The following VPS26A variants were observed in gnomAD, a reference collection of about 807,000 sequenced individuals.
The protein encoded by VPS26A is VPS26 retromer complex component A.
VPS26A carries 22 observed loss-of-function variants against 42.4 expected under a neutral mutation model. The observed-to-expected ratio is 0.52, with a 90% CI of 0.37 to 0.74. The LOEUF (loss-of-function observed/expected upper bound fraction) is 0.74, where lower values mean the gene tolerates loss of function less well. Ranked by LOEUF, VPS26A falls within the 30% of genes least tolerant of loss-of-function variation. VPS26A has a pLI of 0.00. For missense variants in VPS26A, 276 were observed against 379.2 expected (o/e 0.73, Z 2.26); for synonymous variants, 110 against 123.5 (o/e 0.89, Z 0.73).
intron 2 of VPS26A, among the ~76,000 whole-genome samples, chr10:69,146,734 A>G (rs1285782621): frequency 6.6e-6 from 1 of 152,198 alleles, no homozygotes; most frequent in Non-Finnish European, 1.5e-5. Context: ...TATTGCATGT[A>G]TGAGAACATC....
chr10:69,132,234 T>C (rs1564673040), intron 1 of VPS26A, among the ~76,000 whole-genome samples: 1 of 152,196 alleles, frequency 6.6e-6, no homozygotes. Context: ...TTTTCAAGCC[T>C]AGCTGTTAAG....
chr10:69,133,498 C>G (rs1475743850), intron 2 of VPS26A: 1 of 1,188,094 alleles, frequency 8.4e-7, no homozygotes, highest in Admixed American at 2.7e-5. Context: ...CCTCTCTGTA[C>G]TGCTACTATT....
In VPS26A at chr10:69,171,199, A is replaced by G; in HGVS notation, c.914A>G (p.Gln305Arg). The G allele has an allele frequency of 1.2e-6, 2 of 1,613,734 alleles. No individual in the cohort carries two copies. Among genetic ancestry groups the G allele is most frequent in the East Asian group, 2.2e-5 (1 of 44,878 alleles). ...WRKAPEKLRK[Q>R]RTNFHQRFES... ...AAAGCTCCTGAAAAACTGAGGAAAC[A>G]GAGAACAAACTTTCACCAGCGATTT... The change falls in exon 9 of 9, where the codon CAG (glutamine) becomes CGG (arginine). Residue 305 changes from glutamine to arginine, a missense_variant. By Grantham distance (43) the Gln-to-Arg change is conservative. Transcript: ENST00000263559.
At chr10:69,155,408 G>A (rs1021011117) in intron 2 of VPS26A, among the ~76,000 whole-genome samples, 1 of 152,070 alleles carries the variant, frequency 6.6e-6, no homozygotes, top group African/African-American at 2.4e-5. Context: ...TAAATGTCCT[G>A]GAATTGCATC....
At chr10:69,160,892 A>G (rs1014124239) in intron 5 of VPS26A, among the ~76,000 whole-genome samples, 4 of 152,216 alleles carry the variant, frequency 2.6e-5, no homozygotes, top group Non-Finnish European at 4.4e-5. Context: ...GTTATTAGCT[A>G]TCACAACAGC....
intron 6 of VPS26A, among the ~76,000 whole-genome samples, chr10:69,163,932 AT>A (rs1008875827): frequency 6.7e-6 from 1 of 149,784 alleles, no homozygotes; most frequent in African/African-American, 2.5e-5. Context: ...CGCCCGGCTA[AT>A]TTTTTTTGTA....
intron 2 of VPS26A, among the ~76,000 whole-genome samples, chr10:69,146,576 C>T (rs1564678652): frequency 6.6e-6 from 1 of 152,092 alleles, no homozygotes. Flanking sequence ...GCGGTAACTC[C>T]CCATCTTCCA....
chr10:69,148,153 G>T (rs1418834531), intron 2 of VPS26A, among the ~76,000 whole-genome samples: 1 of 152,168 alleles, frequency 6.6e-6, no homozygotes, highest in Non-Finnish European at 1.5e-5. Flanking sequence ...AAGGTAAAGA[G>T]ATATTTAGTA....
At chr10:69,133,409 C>G in intron 2 of VPS26A, 1 of 475,650 alleles carries the variant, frequency 2.1e-6, no homozygotes, top group Non-Finnish European at 3.2e-6. Flanking sequence ...GTTTGTTTTT[C>G]CTTTAACATT....
At chr10:69,152,709 C>G (rs2894076) in intron 2 of VPS26A, among the ~76,000 whole-genome samples, 2 of 152,024 alleles carry the variant, frequency 1.3e-5, no homozygotes, top group East Asian at 3.9e-4. Flanking sequence ...GTGGCTCATG[C>G]CTGTAATCCC....
Position 69,171,551 on chromosome 10 carries a change from A to G in VPS26A, c.*282A>G, listed in dbSNP as rs1260890378. 8.1e-6 allele frequency: 2 copies of G among 246,544 alleles called. No individual in the cohort carries two copies. Among genetic ancestry groups the G allele is most frequent in the Admixed American group, 5.8e-5 (1 of 17,342 alleles). The allele number at this position is 246,544 out of a possible 1,614,324, so 15.3% of individuals were successfully genotyped here. ...TTTGATGATAAGCACTCAGATATATATCAGCGTAAACATGAAAAATTTTCA... is the reference window on the plus strand; with the variant it reads ...TTTGATGATAAGCACTCAGATATATGTCAGCGTAAACATGAAAAATTTTCA... On this transcript the variant is annotated 3_prime_UTR_variant, in exon 9 of 9. Coordinates refer to ENST00000263559, the MANE Select transcript of VPS26A (RefSeq NM_004896.5).
chr10:69,170,330 A>G (rs149587032), intron 8 of VPS26A: 1 of 152,364 alleles, frequency 6.6e-6, no homozygotes, highest in East Asian at 1.9e-4. Context: ...CATGATTTTT[A>G]CAATTTCAAA....
At chr10:69,145,076 C>T (rs1300229893) in intron 2 of VPS26A, among the ~76,000 whole-genome samples, 2 of 151,966 alleles carry the variant, frequency 1.3e-5, no homozygotes, top group African/African-American at 4.8e-5. Flanking sequence ...GCTCTTGTTG[C>T]CCAGGCTGGA....
chr10:69,156,928 T>G, intron 3 of VPS26A, 79 bp from the exon 4 acceptor site: 1 of 1,310,572 alleles, frequency 7.6e-7, no homozygotes, highest in Non-Finnish European at 1.0e-6. Flanking sequence ...TAAAAATCGT[T>G]TGTGTTTGAA....
At chr10:69,164,320 C>T (rs1841636767) in intron 6 of VPS26A, among the ~76,000 whole-genome samples, 1 of 151,698 alleles carries the variant, frequency 6.6e-6, no homozygotes, top group East Asian at 1.9e-4. Context: ...TGGACTTGAG[C>T]AATCCTCCAA....
chr10:69,157,120 G>A lies in VPS26A; in HGVS notation c.343G>A (p.Glu115Lys). ...RSYDFEFMQVEKPYESYIGAN... is the reference protein window; with the variant it reads ...RSYDFEFMQVKKPYESYIGAN... ...TTATGATTTTGAATTTATGCAAGTT[G>A]AAAAGCCATATGAATCTTACATCGG... Residue 115 changes from glutamate to lysine, a missense_variant, in exon 4 of 9, where the codon GAA becomes AAA. By Grantham distance (56) the Glu-to-Lys change is moderately conservative. Transcript: ENST00000263559. 6.2e-7 allele frequency: 1 copy of A among 1,613,622 alleles called. No homozygotes were observed. The highest frequency in any genetic ancestry group is 2.2e-5 in the East Asian group (1 of 44,806).
chr10:69,128,574 G>T (rs1248182420), intron 1 of VPS26A, among the ~76,000 whole-genome samples: 1 of 152,050 alleles, frequency 6.6e-6, no homozygotes. Flanking sequence ...GTGGAACTCT[G>T]TGTGTTTAGG....
At chr10:69,130,722 G>T (rs1480010321) in intron 1 of VPS26A, among the ~76,000 whole-genome samples, 1 of 152,152 alleles carries the variant, frequency 6.6e-6, no homozygotes, top group African/African-American at 2.4e-5. Context: ...TGCCTGACCT[G>T]TAACACCATA....
At chr10:69,144,284 A>G (rs1841107442) in intron 2 of VPS26A, among the ~76,000 whole-genome samples, 1 of 152,232 alleles carries the variant, frequency 6.6e-6, no homozygotes, top group Non-Finnish European at 1.5e-5. Flanking sequence ...TCCATAGTTT[A>G]CATTAGGGTT....
Sources: gnomAD v4.1 joint callset for allele counts (sites outside exome capture counted in the v4.1 genomes callset) on GRCh38, gnomAD v4.1.1 for gene constraint, MANE v1.5 for transcripts, NCBI Gene and HGNC (gene_info 2026-07-23, HGNC 2026-07-21) for gene names.